Variants in ASAP1 observed in about 807,000 individuals in gnomAD.
ASAP1 encodes ArfGAP with SH3 domain, ankyrin repeat and PH domain 1.
In ASAP1, 43 loss-of-function variants were observed where a neutral mutation model predicts 145.2. The ratio of observed to expected loss-of-function variants is 0.30; its 90% CI spans 0.23 to 0.38. ASAP1 has a LOEUF of 0.38. Among genes scored for constraint, ASAP1 ranks in the 10% least tolerant of loss-of-function variants. ASAP1 has a pLI of 1.00. For missense variants in ASAP1, 1,018 were observed against 1,355.3 expected (o/e 0.75, Z 3.91); for synonymous variants, 546 against 515.5 (o/e 1.06, Z -0.80).
At chr8:130,394,662 G>T (rs924709973) in intron 2 of ASAP1, among the ~76,000 whole-genome samples, 4 of 152,106 alleles carry the variant, frequency 2.6e-5, no homozygotes, top group Non-Finnish European at 5.9e-5. Flanking sequence ...GGCTTGTGGG[G>T]CATCACGGAA....
intron 13 of ASAP1, among the ~76,000 whole-genome samples, chr8:130,146,272 C>A (rs1270786382): frequency 6.6e-6 from 1 of 152,120 alleles, no homozygotes; most frequent in East Asian, 1.9e-4. Context: ...TTTAAAAAAG[C>A]CTTTTTACCC....
intron 26 of ASAP1, among the ~76,000 whole-genome samples, chr8:130,079,641 C>T (rs752580050): frequency 9.9e-5 from 15 of 152,108 alleles, no homozygotes; most frequent in South Asian, 2.1e-4. Flanking sequence ...CTGCGACCAC[C>T]GGGAAGTGAG....
intron 3 of ASAP1, among the ~76,000 whole-genome samples, chr8:130,294,047 T>G (rs1822107712): frequency 6.6e-6 from 1 of 152,354 alleles, no homozygotes; most frequent in Middle Eastern, 3.4e-3. Flanking sequence ...ATAGGTATTA[T>G]ACCCACATTT....
At chr8:130,262,416 A>AAAAAAAAAAAGAGAGAG (rs1819974520) in intron 3 of ASAP1, among the ~76,000 whole-genome samples, 1 of 57,868 alleles carries the variant, frequency 1.7e-5, no homozygotes, top group African/African-American at 6.8e-5. Context: ...AAAAAAAAAA[A>AAAAAAAAAAAGAGAGAG]AGAGAGAGAG....
intron 27 of ASAP1, among the ~76,000 whole-genome samples, chr8:130,065,369 A>G (rs1366830248): frequency 6.6e-6 from 1 of 152,124 alleles, no homozygotes; most frequent in East Asian, 1.9e-4. Context: ...GCTTTCTAGA[A>G]GCTCCTTGAA....
intron 27 of ASAP1, among the ~76,000 whole-genome samples, chr8:130,075,051 C>A (rs1372803546): frequency 6.6e-6 from 1 of 152,096 alleles, no homozygotes; most frequent in African/African-American, 2.4e-5. Context: ...CCCATGGGCA[C>A]TGGGAAGTGC....
At chr8:130,302,877 T>C (rs1358477207) in intron 3 of ASAP1, among the ~76,000 whole-genome samples, 4 of 152,226 alleles carry the variant, frequency 2.6e-5, no homozygotes, top group Admixed American at 6.5e-5. Context: ...GGAAAGTTCT[T>C]CTTCCTGTGG....
rs34680836 is a variant in ASAP1 at position 130,123,927 on chromosome 8, C to CAA, written c.1607+84_1607+85dup. 9.1e-3 allele frequency: 7,715 copies of CAA among 849,902 alleles called. 1 individual carries two copies. Among genetic ancestry groups the CAA allele is most frequent in the East Asian group, 0.02 (703 of 34,898 alleles). The allele number at this position is 849,902 out of a possible 1,614,324, so 52.6% of individuals were successfully genotyped here. A position where few individuals can be genotyped will look rare whatever the true frequency, so the allele number is the denominator to read the frequency against. ...ACAGGCGTGAGCCACTGCACCCAGCCAAAAAAAAAAAAAGAAGTTTTTTGG... is the reference window on the plus strand; with the variant it reads ...ACAGGCGTGAGCCACTGCACCCAGCCAAAAAAAAAAAAAAAGAAGTTTTTTGG... On this transcript the variant is annotated intron_variant, in intron 18 of 29. Coordinates refer to ENST00000518721, the MANE Select transcript of ASAP1 (RefSeq NM_018482.4).
chr8:130,325,216 T>A (rs1398485101), intron 3 of ASAP1, among the ~76,000 whole-genome samples: 1 of 152,206 alleles, frequency 6.6e-6, no homozygotes, highest in Non-Finnish European at 1.5e-5. Context: ...TCAAATATGG[T>A]AGTTTCTTTT....
intron 3 of ASAP1, among the ~76,000 whole-genome samples, chr8:130,320,769 G>C (rs1823954780): frequency 6.6e-6 from 1 of 151,864 alleles, no homozygotes; most frequent in Non-Finnish European, 1.5e-5. Flanking sequence ...TTTCTAACAG[G>C]CTACTCTGAA....
chr8:130,195,446 C>T (rs1472208398), intron 5 of ASAP1: 5 of 149,936 alleles, frequency 3.3e-5, no homozygotes, highest in African/African-American at 1.2e-4. Flanking sequence ...TTCAGCTACT[C>T]AGGAGGCTGA....
Position 130,079,934 on chromosome 8 carries a change from T to C in ASAP1, c.2610A>G (p.Thr870=). ...GCTGGGATAGTCCCTCAAACTTGTT[T>C]GTAGTCTTACTTGAAGAGGATGGAC... is the stretch of plus-strand genomic sequence containing the variant. ...DGGPSSSSKT[T]NKFEGLSQQS... is the part of the protein sequence containing the mutation. Residue 870 remains threonine, a synonymous_variant, in exon 26 of 30, where the codon ACA becomes ACG. Coordinates refer to ENST00000518721, the MANE Select transcript of ASAP1 (RefSeq NM_018482.4). 4.3e-6 allele frequency: 7 copies of C among 1,614,180 alleles called. No individual in the cohort carries two copies. The highest frequency in any genetic ancestry group is 5.9e-6 in the Non-Finnish European group (7 of 1,180,024).
intron 3 of ASAP1, among the ~76,000 whole-genome samples, chr8:130,355,483 T>A (rs1826252673): frequency 6.6e-6 from 1 of 152,184 alleles, no homozygotes; most frequent in Non-Finnish European, 1.5e-5. Flanking sequence ...ATTCCGGAGT[T>A]TCCATATCAC....
At chr8:130,256,761 A>ATATATATATATATATCCT (rs1819580948) in intron 3 of ASAP1, among the ~76,000 whole-genome samples, 2 of 98,138 alleles carry the variant, frequency 2.0e-5, no homozygotes, top group African/African-American at 6.9e-5. Context: ...ATATATATAT[A>ATATATATATATATATCCT]TATATATATA....
intron 3 of ASAP1, among the ~76,000 whole-genome samples, chr8:130,317,749 A>G (rs1055371329): frequency 6.6e-6 from 1 of 152,226 alleles, no homozygotes; most frequent in African/African-American, 2.4e-5. Flanking sequence ...GGAATGTAGC[A>G]GATGTTCAGC....
chr8:130,140,037 GTT>G (rs113185605), intron 13 of ASAP1, among the ~76,000 whole-genome samples: 6 of 138,648 alleles, frequency 4.3e-5, no homozygotes, highest in African/African-American at 1.1e-4. Flanking sequence ...TCTCCTTTTT[GTT>G]TTTTTTTTTT....
Position 130,358,664 on chromosome 8 carries a change from G to A in ASAP1, c.60-521C>T, listed in dbSNP as rs1296005942. On this transcript the variant is annotated intron_variant, in intron 2 of 29. Transcript: ENST00000518721. The surrounding 1 kb of genome is among the most constrained non-coding windows in gnomAD (Gnocchi z 4.1). Reference sequence around the variant, plus strand: ...CGCTGCAGTCACGGGGCCAAACAAGGAAGTGCTCTGCGCACGCGCGCCGCC... The same window carrying A: ...CGCTGCAGTCACGGGGCCAAACAAGAAAGTGCTCTGCGCACGCGCGCCGCC... 6.8e-6 allele frequency among the ~76,000 whole-genome samples: 1 copy of A among 146,616 alleles called. No individual in the cohort carries two copies. Among genetic ancestry groups the A allele is most frequent in the African/African-American group, 2.5e-5 (1 of 40,776 alleles).
At chr8:130,119,801 G>T (rs371788003) in intron 18 of ASAP1, among the ~76,000 whole-genome samples, 75 of 147,896 alleles carry the variant, frequency 5.1e-4, no homozygotes, top group African/African-American at 1.7e-3. Flanking sequence ...ATGAGCTTCA[G>T]TTTTTTTTTT....
intron 4 of ASAP1, among the ~76,000 whole-genome samples, chr8:130,220,038 A>G (rs904500136): frequency 6.6e-6 from 1 of 152,142 alleles, no homozygotes; most frequent in African/African-American, 2.4e-5. Flanking sequence ...TTCCTCCCAC[A>G]TTGGCCACCC....
Sources: allele counts gnomAD v4.1 joint callset (sites outside exome capture counted in the v4.1 genomes callset), GRCh38; gene constraint gnomAD v4.1.1; non-coding constraint Gnocchi (gnomAD v3.1); transcripts MANE v1.5; gene names NCBI Gene and HGNC (gene_info 2026-07-23, HGNC 2026-07-21).